The following MAP2K6 variants were observed in gnomAD, a reference collection of about 807,000 sequenced individuals.
The protein encoded by MAP2K6 is dual specificity mitogen-activated protein kinase kinase 6.
In MAP2K6, 16 loss-of-function variants were observed where a neutral mutation model predicts 53.7. That is an observed-to-expected ratio of 0.30 (90% CI 0.20 to 0.45). The LOEUF is 0.45. MAP2K6 is among the 20% of genes least tolerant of loss of function. The pLI is 1.00. For missense variants in MAP2K6, 204 were observed against 411.9 expected (o/e 0.50, Z 4.37); for synonymous variants, 132 against 143.1 (o/e 0.92, Z 0.55).
At position 69,494,923 on chromosome 17, in the gene MAP2K6, T is replaced by A. The variant is rs1908887009; in HGVS notation, c.17-10857T>A. ...GGGAGGCTGAGATAGGAGCATCGCT[T>A]GAACCTGGGAGGTGGAGGTTGCCGT... On this transcript the variant is annotated intron_variant, in intron 1 of 11. Transcript: ENST00000590474. The surrounding 1 kb of genome is among the most constrained non-coding windows in gnomAD (Gnocchi z 4.2). 6.6e-6 allele frequency among the ~76,000 whole-genome samples: 1 copy of A among 151,952 alleles called. No individual in the cohort carries two copies. Among genetic ancestry groups the A allele is most frequent in the East Asian group, 1.9e-4 (1 of 5,140 alleles).
At chr17:69,509,603 T>C (rs72855567) in intron 2 of MAP2K6, among the ~76,000 whole-genome samples, 5,041 of 152,238 alleles carry the variant, frequency 0.033, 230 homozygotes, top group African/African-American at 0.099. Flanking sequence ...CAATCTTTAC[T>C]TTGATTTTTA....
intron 10 of MAP2K6, among the ~76,000 whole-genome samples, chr17:69,535,879 T>TACACACAC (rs3216906): frequency 4.7e-5 from 7 of 147,598 alleles, no homozygotes; most frequent in African/African-American, 1.5e-4. Context: ...AAAAGGAAAG[T>TACACACAC]ACACACACAC....
At chr17:69,475,863 G>A (rs922576846) in intron 1 of MAP2K6, among the ~76,000 whole-genome samples, 1 of 152,170 alleles carries the variant, frequency 6.6e-6, no homozygotes, top group Admixed American at 6.5e-5. Flanking sequence ...GACTGGTTCA[G>A]CCATGGGTAT....
At chr17:69,436,501 C>T (rs894970688) in intron 1 of MAP2K6, among the ~76,000 whole-genome samples, 2 of 152,160 alleles carry the variant, frequency 1.3e-5, no homozygotes, top group South Asian at 2.1e-4. Context: ...GATTCAGGCT[C>T]GGTGCCTGGC....
intron 1 of MAP2K6, chr17:69,433,461 G>A (rs1906534235): frequency 6.6e-6 from 1 of 152,204 alleles, no homozygotes; most frequent in South Asian, 2.1e-4. Context: ...CACCAGGCAT[G>A]GTGGAAATCA....
intron 5 of MAP2K6, 98 bp from the exon 6 acceptor site, chr17:69,520,172 A>G: frequency 1.5e-6 from 1 of 660,146 alleles, no homozygotes. Context: ...AGAAAGAAAT[A>G]GTTAATTCTT....
chr17:69,455,864 T>TG (rs1567824088), intron 1 of MAP2K6, among the ~76,000 whole-genome samples: 2 of 126,978 alleles, frequency 1.6e-5, no homozygotes, highest in Non-Finnish European at 1.8e-5. Flanking sequence ...TTTTTTTTTT[T>TG]TTTTTTTTTT....
intron 7 of MAP2K6, 140 bp downstream of exon 7, chr17:69,521,240 T>C (rs1910450127): frequency 4.7e-6 from 3 of 631,584 alleles, no homozygotes; most frequent in South Asian, 2.2e-5. Context: ...TCCTTTGAGA[T>C]TGGATAGCAA....
intron 5 of MAP2K6, 46 bp downstream of exon 5, chr17:69,519,478 A>C: frequency 6.2e-7 from 1 of 1,608,210 alleles, no homozygotes; most frequent in South Asian, 1.1e-5. Context: ...AATAACTTAA[A>C]AAGAAGTTTC....
intron 10 of MAP2K6, among the ~76,000 whole-genome samples, chr17:69,535,228 G>T (rs992290107): frequency 1.3e-5 from 2 of 152,044 alleles, no homozygotes; most frequent in South Asian, 2.1e-4. Flanking sequence ...CACTGAGTGC[G>T]CTCTCTCTTT....
chr17:69,458,979 A>G (rs1280261760), intron 1 of MAP2K6, among the ~76,000 whole-genome samples: 4 of 152,136 alleles, frequency 2.6e-5, no homozygotes, highest in Non-Finnish European at 4.4e-5. Flanking sequence ...CCTTATAAAA[A>G]AATTTGTATT....
intron 1 of MAP2K6, among the ~76,000 whole-genome samples, chr17:69,473,884 T>G (rs936033918): frequency 6.6e-6 from 1 of 152,236 alleles, no homozygotes; most frequent in Non-Finnish European, 1.5e-5. Flanking sequence ...AGAGCCTCCC[T>G]CTACCCTGGT....
intron 1 of MAP2K6, among the ~76,000 whole-genome samples, chr17:69,480,877 TACTA>T (rs1224952107): frequency 6.6e-6 from 1 of 152,192 alleles, no homozygotes; most frequent in Non-Finnish European, 1.5e-5. Context: ...TGGATGGGAA[TACTA>T]ACTGTTAGAA....
At position 69,548,028 on chromosome 17, in the gene MAP2K6, C is replaced by T. The variant is rs1300677589; in HGVS notation, c.*6275C>T. ...TTAACCTTTTTCAACTTAGCCACCT[C>T]AATTATTTGTTCACATTTTAAGGAA... On this transcript the variant is annotated 3_prime_UTR_variant, in exon 12 of 12. Coordinates refer to ENST00000590474, the MANE Select transcript of MAP2K6 (RefSeq NM_002758.4). 1 of 152,154 alleles carries T rather than the reference C, an allele frequency of 6.6e-6. No individual in the cohort carries two copies. The highest frequency in any genetic ancestry group is 1.5e-5 in the Non-Finnish European group (1 of 68,024). The allele number at this position is 152,154 out of a possible 1,614,324, so 9.4% of individuals were successfully genotyped here.
rs1196661907 is a variant in MAP2K6 at position 69,494,130 on chromosome 17, G to A, written c.17-11650G>A. Among the ~76,000 whole-genome samples, 1 of 152,184 alleles carries A rather than the reference G, an allele frequency of 6.6e-6. No individual in the cohort carries two copies. The highest frequency in any genetic ancestry group is 1.9e-4 in the East Asian group (1 of 5,178). ...CAGAATCCAGTGGAAAAAACTACAG[G>A]ACACATGGCCTGCATTTCTTCAACA... On this transcript the variant is annotated intron_variant, in intron 1 of 11. Transcript: ENST00000590474. This position sits in a 1 kb window ranked among gnomAD's most constrained non-coding sequence, Gnocchi z 4.2.
chr17:69,455,035 A>ATTT (rs34777682), intron 1 of MAP2K6, among the ~76,000 whole-genome samples: 1 of 130,194 alleles, frequency 7.7e-6, no homozygotes, highest in Non-Finnish European at 1.7e-5. Context: ...TACTATTATT[A>ATTT]TTTTTTTTTT....
chr17:69,524,606 C>T (rs1910663997), intron 8 of MAP2K6, among the ~76,000 whole-genome samples: 1 of 151,992 alleles, frequency 6.6e-6, no homozygotes, highest in Non-Finnish European at 1.5e-5. Flanking sequence ...TCTAGATGGG[C>T]AAAGTAGCTT....
chr17:69,533,735 G>GC (rs1555611248), intron 10 of MAP2K6, among the ~76,000 whole-genome samples: 1 of 140,178 alleles, frequency 7.1e-6, no homozygotes, highest in Non-Finnish European at 1.5e-5. Context: ...TAGCCTGTTT[G>GC]TTTTTTTTTT....
At chr17:69,529,369 A>G (rs1910955464) in intron 10 of MAP2K6, among the ~76,000 whole-genome samples, 1 of 152,206 alleles carries the variant, frequency 6.6e-6, no homozygotes, top group South Asian at 2.1e-4. Flanking sequence ...TTGTTTAAAA[A>G]AAATCATCCA....
Sources: allele counts gnomAD v4.1 joint callset (sites outside exome capture counted in the v4.1 genomes callset), GRCh38; gene constraint gnomAD v4.1.1; non-coding constraint Gnocchi (gnomAD v3.1); transcripts MANE v1.5; gene names NCBI Gene and HGNC (gene_info 2026-07-23, HGNC 2026-07-21).